GNG12: variants seen among roughly 807,000 people sequenced by gnomAD.
The protein encoded by GNG12 is G protein subunit gamma 12.
For missense variants in GNG12, 69 were observed against 83.8 expected, an observed-to-expected ratio of 0.82 and a Z score of 0.69; for synonymous variants, 28 against 29.7, an observed-to-expected ratio of 0.94 and a Z score of 0.19.
chr1:67,793,961 T>C (rs549655830), intron 1 of GNG12, among the ~76,000 whole-genome samples: 5 of 152,338 alleles, frequency 3.3e-5, no homozygotes, highest in African/African-American at 1.2e-4. Flanking sequence ...GTTTACTCTT[T>C]TCTTTTGCCA....
chr1:67,769,693 G>A (rs1482325787), intron 2 of GNG12, among the ~76,000 whole-genome samples: 1 of 152,090 alleles, frequency 6.6e-6, no homozygotes, highest in Non-Finnish European at 1.5e-5. Context: ...TTTCCCTGTG[G>A]GCTTAGATAA....
intron 1 of GNG12, among the ~76,000 whole-genome samples, chr1:67,800,124 A>G (rs922894372): frequency 6.6e-6 from 1 of 152,232 alleles, no homozygotes; most frequent in Non-Finnish European, 1.5e-5. Context: ...TCTCTCTTGC[A>G]TTGGAACAGA....
chr1:67,748,996 C>A (rs1646523303), intron 2 of GNG12, among the ~76,000 whole-genome samples: 1 of 151,504 alleles, frequency 6.6e-6, no homozygotes, highest in Non-Finnish European at 1.5e-5. Flanking sequence ...AAAAAAAAAT[C>A]ATCTCTGACT....
intron 2 of GNG12, 138 bp from the exon 3 acceptor site, chr1:67,707,850 C>G: frequency 1.8e-6 from 1 of 542,912 alleles, no homozygotes; most frequent in Non-Finnish European, 3.2e-6. Flanking sequence ...TACTAAAACA[C>G]CCCTTAGAAA....
At chr1:67,747,438 T>C (rs1646513996) in intron 2 of GNG12, among the ~76,000 whole-genome samples, 1 of 152,066 alleles carries the variant, frequency 6.6e-6, no homozygotes, top group Non-Finnish European at 1.5e-5. Flanking sequence ...ATCTATTGAG[T>C]GTTCGATGGC....
At chr1:67,721,293 A>G (rs1198870585) in intron 2 of GNG12, among the ~76,000 whole-genome samples, 1 of 152,200 alleles carries the variant, frequency 6.6e-6, no homozygotes, top group Non-Finnish European at 1.5e-5. Context: ...GGAGCCCCAG[A>G]GTGGAGTGAC....
At chr1:67,798,869 G>A (rs1320922772) in intron 1 of GNG12, among the ~76,000 whole-genome samples, 3 of 151,994 alleles carry the variant, frequency 2.0e-5, no homozygotes, top group Non-Finnish European at 4.4e-5. Context: ...CAGAGGAATC[G>A]CTTGAACCCG....
At chr1:67,831,549 G>T (rs1194912926) in intron 1 of GNG12, among the ~76,000 whole-genome samples, 2 of 152,128 alleles carry the variant, frequency 1.3e-5, no homozygotes, top group African/African-American at 4.8e-5. Context: ...AGCAAAAATA[G>T]GACTGCATTA....
chr1:67,790,199 A>G (rs1220313276), intron 1 of GNG12, among the ~76,000 whole-genome samples: 1 of 152,144 alleles, frequency 6.6e-6, no homozygotes, highest in Non-Finnish European at 1.5e-5. Context: ...CTGTTCTTAT[A>G]CCTACCACCT....
At chr1:67,817,479 C>G (rs1436604245) in intron 1 of GNG12, among the ~76,000 whole-genome samples, 2 of 152,184 alleles carry the variant, frequency 1.3e-5, no homozygotes, top group African/African-American at 4.8e-5. Flanking sequence ...GGCCCAAAAC[C>G]TGGATCATAA....
intron 2 of GNG12, among the ~76,000 whole-genome samples, chr1:67,761,508 G>C (rs775438585): frequency 6.6e-6 from 1 of 152,204 alleles, no homozygotes; most frequent in South Asian, 2.1e-4. Context: ...CCAGGCAAAT[G>C]GTTCAATGAT....
At chr1:67,802,831 C>T (rs181439272) in intron 1 of GNG12, among the ~76,000 whole-genome samples, 12,552 of 152,244 alleles carry the variant, frequency 0.082, 675 homozygotes, top group Non-Finnish European at 0.099. Flanking sequence ...CTGGGTGTCT[C>T]TCTCTCTCCC....
At chr1:67,828,223 T>C (rs1473031259) in intron 1 of GNG12, among the ~76,000 whole-genome samples, 1 of 152,208 alleles carries the variant, frequency 6.6e-6, no homozygotes, top group African/African-American at 2.4e-5. Context: ...AAGTGTTAAC[T>C]GCTATGGCTA....
intron 2 of GNG12, among the ~76,000 whole-genome samples, chr1:67,723,306 C>A (rs974327363): frequency 3.9e-5 from 6 of 152,114 alleles, no homozygotes; most frequent in Non-Finnish European, 7.4e-5. Context: ...TTCAAAGGAG[C>A]AGAGACAGGC....
chr1:67,805,854 C>A (rs1646891737), intron 1 of GNG12, among the ~76,000 whole-genome samples: 1 of 149,192 alleles, frequency 6.7e-6, no homozygotes, highest in South Asian at 2.1e-4. Flanking sequence ...CTAGGCATAA[C>A]ATATTCCAAC....
At chr1:67,829,715 T>C (rs1647032257) in intron 1 of GNG12, among the ~76,000 whole-genome samples, 1 of 152,230 alleles carries the variant, frequency 6.6e-6, no homozygotes, top group Non-Finnish European at 1.5e-5. Context: ...CAGAAATCAT[T>C]ATGTTATGTT....
intron 1 of GNG12, among the ~76,000 whole-genome samples, chr1:67,799,818 T>C (rs1430686736): frequency 6.6e-6 from 1 of 152,238 alleles, no homozygotes; most frequent in African/African-American, 2.4e-5. Context: ...TTAGTGAAAA[T>C]TGTTTTACAG....
intron 2 of GNG12, among the ~76,000 whole-genome samples, chr1:67,745,043 T>C (rs184185829): frequency 2.0e-5 from 3 of 152,320 alleles, no homozygotes; most frequent in East Asian, 1.9e-4. Flanking sequence ...ACCTATCCTA[T>C]TGGATTGTAT....
At chr1:67,722,308 G>A (rs1475803009) in intron 2 of GNG12, among the ~76,000 whole-genome samples, 1 of 152,148 alleles carries the variant, frequency 6.6e-6, no homozygotes, top group South Asian at 2.1e-4. Context: ...GAAAAAGGCT[G>A]AGAAAGGACA....
Sources: gnomAD v4.1 joint callset for allele counts (sites outside exome capture counted in the v4.1 genomes callset) on GRCh38, gnomAD v4.1.1 for gene constraint, MANE v1.5 for transcripts, NCBI Gene and HGNC (gene_info 2026-07-23, HGNC 2026-07-21) for gene names.